Variants in ARHGEF17 observed in about 807,000 individuals in gnomAD.
ARHGEF17 encodes the protein Rho guanine nucleotide exchange factor 17, also known as 164 kDa Rho-specific guanine-nucleotide exchange factor.
A neutral mutation model predicts 174.0 loss-of-function variants in ARHGEF17; 80 were observed. That is an observed-to-expected ratio of 0.46 (90% CI 0.38 to 0.55). The LOEUF (loss-of-function observed/expected upper bound fraction) is 0.55, where lower values mean the gene tolerates loss of function less well. ARHGEF17 is among the 20% of genes least tolerant of loss of function. ARHGEF17 has a pLI of 0.00. For missense variants in ARHGEF17, 2,886 were observed against 2,839.7 expected (o/e 1.02, Z -0.37); for synonymous variants, 1,311 against 1,189.1 (o/e 1.10, Z -2.11).
intron 20 of ARHGEF17, among the ~76,000 whole-genome samples, chr11:73,367,116 A>T (rs1483565819): frequency 6.6e-6 from 1 of 152,202 alleles, no homozygotes; most frequent in Non-Finnish European, 1.5e-5. Context: ...CTTTGGCAGG[A>T]CAAGAAATGA....
intron 10 of ARHGEF17, 139 bp from the exon 11 acceptor site, chr11:73,360,181 A>T: frequency 1.0e-6 from 1 of 995,042 alleles, no homozygotes; most frequent in Non-Finnish European, 1.5e-6. Context: ...CATCCCCCAT[A>T]TATCAAAGGA....
rs1395611259 is a variant in ARHGEF17, at chr11:73,362,472, ACCGGAGCCCGCCGGG to A, written c.4742_4756del (p.Pro1581_Glu1585del). On this transcript the variant is annotated inframe_deletion, in exon 14 of 21. Transcript: ENST00000263674. ...CGCTGAGGAGTCCTCCAGAGACGGC[ACCGGAGCCCGCCGGG>A]CCGGAGCTGGACGTCGAGGCCGCTG... The A allele has an allele frequency of 1.3e-6, 2 of 1,591,528 alleles. No homozygotes were observed. The highest frequency in any genetic ancestry group is 8.5e-7 in the Non-Finnish European group (1 of 1,172,636).
At chr11:73,331,527 C>T (rs1565194672) in intron 1 of ARHGEF17, among the ~76,000 whole-genome samples, 3 of 152,184 alleles carry the variant, frequency 2.0e-5, no homozygotes, top group Non-Finnish European at 2.9e-5. Flanking sequence ...TCACAGGGCC[C>T]CTCCTCTGGG....
In ARHGEF17 at chr11:73,364,541, C is replaced by T; in HGVS notation, c.5491C>T (p.Leu1831=). The part of the protein sequence containing the change: ...ITKMVSVGGR[L]WCGCQNRVLV... Reference sequence around the variant, plus strand: ...CAAGATGGTATCTGTGGGTGGGCGGCTGTGGTGTGGCTGCCAGAACCGAGT... The same window carrying T: ...CAAGATGGTATCTGTGGGTGGGCGGTTGTGGTGTGGCTGCCAGAACCGAGT... The change falls in exon 18 of 21, where the codon CTG becomes TTG. Residue 1831 remains leucine, a synonymous_variant. Coordinates refer to ENST00000263674, the MANE Select transcript of ARHGEF17 (RefSeq NM_014786.4). 6.2e-7 allele frequency: 1 copy of T among 1,613,874 alleles called. No individual in the cohort carries two copies. Among genetic ancestry groups the T allele is most frequent in the Non-Finnish European group, 8.5e-7 (1 of 1,179,970 alleles).
At chr11:73,320,510 A>C (rs1865000008) in intron 1 of ARHGEF17, among the ~76,000 whole-genome samples, 1 of 150,728 alleles carries the variant, frequency 6.6e-6, no homozygotes, top group South Asian at 2.1e-4. Context: ...AGTCCTAGCT[A>C]CTCAGGAGGC....
intron 2 of ARHGEF17, among the ~76,000 whole-genome samples, chr11:73,348,522 C>A (rs1257349978): frequency 6.6e-6 from 1 of 152,182 alleles, no homozygotes; most frequent in African/African-American, 2.4e-5. Context: ...TCTCAAAGGA[C>A]AAGCACTGTC....
rs1318640722 is a variant in ARHGEF17 at position 73,367,868 on chromosome 11, A to G, written c.*88A>G. The G allele has an allele frequency of 7.1e-7, 1 of 1,399,636 alleles. No homozygotes were observed. The highest frequency in any genetic ancestry group is 2.3e-5 in the East Asian group (1 of 42,758). 86.7% of individuals were successfully genotyped at this position (1,399,636 alleles called of 1,614,324 possible). A position where few individuals can be genotyped will look rare whatever the true frequency, so the allele number is the denominator to read the frequency against. ...AGCCCACACGCAGACTTTGACCAGG[A>G]GTATCCAGCCAGGGGCACACATGTG... On this transcript the variant is annotated 3_prime_UTR_variant, in exon 21 of 21. Transcript: ENST00000263674.
intron 1 of ARHGEF17, among the ~76,000 whole-genome samples, chr11:73,327,889 A>G (rs1268225958): frequency 5.9e-5 from 9 of 152,188 alleles, no homozygotes; most frequent in Admixed American, 4.6e-4. Flanking sequence ...TTTTGTGGAT[A>G]GTCCTGGGTA....
chr11:73,309,625 C>T lies in ARHGEF17; in HGVS notation c.987C>T (p.Pro329=). Residue 329 remains proline, a synonymous_variant, in exon 1 of 21, where the codon CCC becomes CCT. Coordinates refer to ENST00000263674, the MANE Select transcript of ARHGEF17 (RefSeq NM_014786.4). ...NSAGVSGSPE[P]PTSPRAPREE... ...CAGGGGTTTCTGGGAGCCCTGAGCC[C>T]CCAACATCTCCAAGAGCCCCTAGAG... is the stretch of plus-strand genomic sequence containing the variant. The T allele has an allele frequency of 1.2e-6, 2 of 1,613,062 alleles. No individual in the cohort carries two copies. The highest frequency in any genetic ancestry group is 1.7e-6 in the Non-Finnish European group (2 of 1,180,004).
In ARHGEF17 at chr11:73,310,657, A is replaced by G. The variant is rs1482438716; in HGVS notation, c.2019A>G (p.Ser673=). 1.2e-6 allele frequency: 2 copies of G among 1,613,786 alleles called. No individual in the cohort carries two copies. The highest frequency in any genetic ancestry group is 1.7e-6 in the Non-Finnish European group (2 of 1,179,994). Residue 673 remains serine, a synonymous_variant, in exon 1 of 21, where the codon TCA becomes TCG. Coordinates refer to ENST00000263674, the MANE Select transcript of ARHGEF17 (RefSeq NM_014786.4). The part of the protein sequence containing the change: ...GTTGMWRPLS[S]SSAQTNHHGP... ...CAGGGATGTGGCGACCTCTTTCCTC[A>G]TCCTCGGCCCAGACGAACCACCATG... is the stretch of plus-strand genomic sequence containing the variant.
intron 1 of ARHGEF17, among the ~76,000 whole-genome samples, chr11:73,323,242 G>A (rs1865044813): frequency 6.6e-6 from 1 of 152,186 alleles, no homozygotes; most frequent in Admixed American, 6.5e-5. Flanking sequence ...GAAAGAGCAG[G>A]CTTGGGCTGC....
rs372491557 is a variant in ARHGEF17 at position 73,364,231 on chromosome 11, G to C, written c.5393G>C (p.Arg1798Thr). The stretch of plus-strand genomic sequence containing the variant: ...AATGGAGAGCTTGTGGTCTACCAAA[G>C]GGAAGCAGGTGAGTATCTGCCCTCC... ...LANGELVVYQ[R>T]EAGHFWDPQN... The change falls in exon 17 of 21, where the codon AGG (arginine) becomes ACG (threonine). Residue 1798 changes from arginine to threonine, a missense_variant. Around this residue, in one of 4 missense-constraint regions of ARHGEF17, gnomAD observed 329 missense variants for 435.2 expected, o/e 0.76. Transcript: ENST00000263674. 14 of 1,614,162 alleles carry C rather than the reference G, an allele frequency of 8.7e-6. No homozygotes were observed. Among genetic ancestry groups the C allele is most frequent in the Non-Finnish European group, 1.2e-5 (14 of 1,180,024 alleles).
At chr11:73,332,308 C>T (rs1374220006) in intron 1 of ARHGEF17, among the ~76,000 whole-genome samples, 2 of 151,518 alleles carry the variant, frequency 1.3e-5, no homozygotes, top group Admixed American at 1.3e-4. Context: ...GGCCCCTGCC[C>T]ACTGTTAATG....
chr11:73,360,586 C>A, intron 11 of ARHGEF17, 53 bp downstream of exon 11: 1 of 1,583,238 alleles, frequency 6.3e-7, no homozygotes, highest in Admixed American at 1.7e-5. Flanking sequence ...AGGCAGGAGG[C>A]CAGAGGCATC....
chr11:73,365,155 T>C lies in ARHGEF17; in HGVS notation c.5551-235T>C, dbSNP rs1865813446. On this transcript the variant is annotated intron_variant, in intron 18 of 20. Coordinates refer to ENST00000263674, the MANE Select transcript of ARHGEF17 (RefSeq NM_014786.4). This position sits in a 1 kb window ranked among gnomAD's most constrained non-coding sequence, Gnocchi z 4.9. ...GACTGATTTTAGAACCCTTTAAGCA[T>C]TGAAGTTCTCTGATCCTTAAATCAC... The C allele has an allele frequency of 3.6e-6, 2 of 557,072 alleles. No individual in the cohort carries two copies. Among genetic ancestry groups the C allele is most frequent in the Non-Finnish European group, 3.2e-6 (1 of 312,238 alleles). 34.5% of individuals were successfully genotyped at this position (557,072 alleles called of 1,614,324 possible).
At chr11:73,363,708 C>A in intron 15 of ARHGEF17, 39 bp from the exon 16 acceptor site, 1 of 1,606,764 alleles carries the variant, frequency 6.2e-7, no homozygotes, top group Non-Finnish European at 8.5e-7. Flanking sequence ...GGCTGGTGTG[C>A]CCCAAGCATT....
intron 1 of ARHGEF17, among the ~76,000 whole-genome samples, chr11:73,341,199 CTG>C (rs1447309806): frequency 6.6e-6 from 1 of 152,174 alleles, no homozygotes; most frequent in Non-Finnish European, 1.5e-5. Context: ...GTAAGGAAAA[CTG>C]AGAGCCTTTA....
chr11:73,316,596 G>C (rs984287994), intron 1 of ARHGEF17, among the ~76,000 whole-genome samples: 1 of 152,226 alleles, frequency 6.6e-6, no homozygotes. Flanking sequence ...AGCATTCTGG[G>C]CAGAGAGGAA....
At chr11:73,357,453 C>T (rs906656001) in intron 9 of ARHGEF17, 126 bp downstream of exon 9, 12 of 841,126 alleles carry the variant, frequency 1.4e-5, no homozygotes, top group Middle Eastern at 3.4e-4. Flanking sequence ...CTCGCTCTCT[C>T]ATCCAGTGCA....
Sources: allele counts gnomAD v4.1 joint callset (sites outside exome capture counted in the v4.1 genomes callset), GRCh38; gene constraint gnomAD v4.1.1; regional missense constraint gnomAD v4.1.1; non-coding constraint Gnocchi (gnomAD v3.1); transcripts MANE v1.5; gene names NCBI Gene and HGNC (gene_info 2026-07-23, HGNC 2026-07-21).